SKAP1: variants seen among roughly 807,000 people sequenced by gnomAD.
The protein encoded by SKAP1 is src kinase-associated phosphoprotein 1.
SKAP1 carries 44 observed loss-of-function variants against 58.5 expected under a neutral mutation model. The observed-to-expected ratio is 0.75, with a 90% confidence interval of 0.59 to 0.97. The LOEUF (loss-of-function observed/expected upper bound fraction) is 0.97. Among genes scored for constraint, SKAP1 ranks in the 50% least tolerant of loss-of-function variants. The pLI, the probability that SKAP1 is intolerant of heterozygous loss-of-function variation, is 0.00. For missense variants in SKAP1, 390 were observed against 435.2 expected, an observed-to-expected ratio of 0.90 and a Z score of 0.92; for synonymous variants, 127 against 149.7, an observed-to-expected ratio of 0.85 and a Z score of 1.11.
intron 4 of SKAP1, among the ~76,000 whole-genome samples, chr17:48,265,851 C>T (rs985129001): frequency 6.6e-6 from 1 of 152,148 alleles, no homozygotes; most frequent in African/African-American, 2.4e-5. Flanking sequence ...GCTCCAAATG[C>T]CTCCCCTGTT....
chr17:48,227,278 T>C (rs921939642), intron 4 of SKAP1, among the ~76,000 whole-genome samples: 2 of 152,190 alleles, frequency 1.3e-5, no homozygotes. Flanking sequence ...TTCTGTGCGC[T>C]AGTCCTAGCA....
At chr17:48,221,512 G>A (rs142209047) in intron 4 of SKAP1, among the ~76,000 whole-genome samples, 1 of 152,258 alleles carries the variant, frequency 6.6e-6, no homozygotes, top group African/African-American at 2.4e-5. Context: ...ACATAGGCAT[G>A]GCTAAAAGAA....
intron 4 of SKAP1, among the ~76,000 whole-genome samples, chr17:48,238,240 C>T (rs995082511): frequency 3.3e-5 from 5 of 152,110 alleles, no homozygotes; most frequent in South Asian, 4.2e-4. Flanking sequence ...GTGATCCACC[C>T]GTCTCAGCCT....
At chr17:48,151,394 C>T (rs1344175082) in intron 11 of SKAP1, among the ~76,000 whole-genome samples, 1 of 152,142 alleles carries the variant, frequency 6.6e-6, no homozygotes. Flanking sequence ...GCTATAAAAT[C>T]AAGATGTTTG....
Position 48,319,331 on chromosome 17 carries a change from G to A in SKAP1, c.280+26574C>T, listed in dbSNP as rs188480126. Among the ~76,000 whole-genome samples, 127 of 152,186 alleles carry A rather than the reference G, an allele frequency of 8.3e-4. 2 individuals carry two copies. The highest frequency in any genetic ancestry group is 7.8e-4 in the Non-Finnish European group (53 of 67,988). On this transcript the variant is annotated intron_variant, in intron 4 of 12. Coordinates refer to ENST00000336915, the MANE Select transcript of SKAP1 (RefSeq NM_003726.4). Reference sequence around the variant, plus strand: ...CCTCTAGCATGACATTTAAATTAATGTAAAAGAATAGGGATTGGGACCAGC... The same window carrying A: ...CCTCTAGCATGACATTTAAATTAATATAAAAGAATAGGGATTGGGACCAGC...
At chr17:48,405,127 A>T (rs2067553537) in intron 1 of SKAP1, among the ~76,000 whole-genome samples, 1 of 152,200 alleles carries the variant, frequency 6.6e-6, no homozygotes, top group South Asian at 2.1e-4. Context: ...AGTCTTGGAT[A>T]GATGAAGTAG....
At chr17:48,346,085 A>T in intron 3 of SKAP1, 79 bp from the exon 4 acceptor site, 1 of 765,218 alleles carries the variant, frequency 1.3e-6, no homozygotes, top group Non-Finnish European at 2.1e-6. Flanking sequence ...AAAAGGATCT[A>T]TGTATGATCT....
At chr17:48,309,128 G>GA (rs1421792679) in intron 4 of SKAP1, among the ~76,000 whole-genome samples, 1 of 151,846 alleles carries the variant, frequency 6.6e-6, no homozygotes, top group Non-Finnish European at 1.5e-5. Context: ...ACTAAAAAAA[G>GA]AAACTGCTGA....
chr17:48,323,370 C>T (rs1220913863), intron 4 of SKAP1, among the ~76,000 whole-genome samples: 1 of 151,948 alleles, frequency 6.6e-6, no homozygotes, highest in Non-Finnish European at 1.5e-5. Context: ...ATTTTATTCA[C>T]AGAGTCCAAA....
At chr17:48,309,801 A>C (rs1446171272) in intron 4 of SKAP1, among the ~76,000 whole-genome samples, 1 of 152,170 alleles carries the variant, frequency 6.6e-6, no homozygotes, top group East Asian at 1.9e-4. Context: ...CTAGTAGACA[A>C]ATGCTAGTTC....
At chr17:48,281,974 G>A (rs1177769897) in intron 4 of SKAP1, among the ~76,000 whole-genome samples, 1 of 152,118 alleles carries the variant, frequency 6.6e-6, no homozygotes, top group Non-Finnish European at 1.5e-5. Flanking sequence ...GTGTAACTAA[G>A]AGTACATATT....
intron 1 of SKAP1, among the ~76,000 whole-genome samples, chr17:48,405,572 G>T (rs532923953): frequency 2.1e-5 from 3 of 145,634 alleles, no homozygotes; most frequent in Non-Finnish European, 4.5e-5. Flanking sequence ...GCGCTATCTC[G>T]GCTCACTGCA....
intron 1 of SKAP1, among the ~76,000 whole-genome samples, chr17:48,412,983 T>C (rs918223537): frequency 1.3e-5 from 2 of 151,912 alleles, no homozygotes; most frequent in African/African-American, 4.8e-5. Context: ...TTCTTCCATC[T>C]GTCTCATCCA....
At chr17:48,216,274 T>C (rs1445813693) in intron 4 of SKAP1, among the ~76,000 whole-genome samples, 1 of 152,180 alleles carries the variant, frequency 6.6e-6, no homozygotes, top group African/African-American at 2.4e-5. Flanking sequence ...TGATCTTGTT[T>C]GAGTTATAGA....
intron 11 of SKAP1, among the ~76,000 whole-genome samples, chr17:48,138,891 A>G (rs557868423): frequency 7.3e-6 from 1 of 136,786 alleles, no homozygotes; most frequent in Admixed American, 7.8e-5. Flanking sequence ...GAATGAAAAA[A>G]AAATTTTTTT....
chr17:48,411,293 G>A (rs892894624), intron 1 of SKAP1, among the ~76,000 whole-genome samples: 3 of 151,942 alleles, frequency 2.0e-5, no homozygotes, highest in Admixed American at 6.6e-5. Context: ...CCAGATACTC[G>A]AGAGGCTGAG....
At chr17:48,432,133 A>G (rs1018204066), upstream of SKAP1, among the ~76,000 whole-genome samples, 1 of 152,168 alleles carries the variant, frequency 6.6e-6, no homozygotes, top group African/African-American at 2.4e-5. Flanking sequence ...TGCCCTGAGA[A>G]AGTATAGTAA....
At chr17:48,323,261 G>A (rs1291723088) in intron 4 of SKAP1, among the ~76,000 whole-genome samples, 1 of 150,696 alleles carries the variant, frequency 6.6e-6, no homozygotes, top group Non-Finnish European at 1.5e-5. Context: ...ACAAATTGCA[G>A]TAAAACCTCA....
At chr17:48,430,584 C>T (rs1167842210), upstream of SKAP1, among the ~76,000 whole-genome samples, 3 of 152,140 alleles carry the variant, frequency 2.0e-5, no homozygotes, top group South Asian at 2.1e-4. Context: ...AAGAGATCCC[C>T]GTCAAGCATA....
Sources: allele counts gnomAD v4.1 joint callset (sites outside exome capture counted in the v4.1 genomes callset), GRCh38; gene constraint gnomAD v4.1.1; transcripts MANE v1.5; gene names NCBI Gene and HGNC (gene_info 2026-07-23, HGNC 2026-07-21).